SH3YL1: variants seen among roughly 807,000 people sequenced by gnomAD.
The protein encoded by SH3YL1 is SH3 domain-containing YSC84-like protein 1.
A neutral mutation model predicts 45.8 loss-of-function variants in SH3YL1; 41 were observed. The observed-to-expected ratio is 0.89, with a 90% CI of 0.70 to 1.16. SH3YL1 has a LOEUF of 1.16. SH3YL1 is among the 50% of genes most tolerant of loss of function. The probability of loss-of-function intolerance (pLI) is 0.00; values close to 1 mark genes in which losing one functional copy is unlikely to be tolerated. For synonymous variants in SH3YL1, 152 were observed against 151.4 expected (o/e 1.00, Z -0.03); for missense variants, 389 against 409.6 (o/e 0.95, Z 0.43).
intron 6 of SH3YL1, 140 bp from the exon 7 acceptor site, chr2:231,331 A>G (rs544026894): frequency 3.0e-6 from 2 of 670,066 alleles, no homozygotes; most frequent in African/African-American, 1.8e-5. Context: ...TTAAACACTA[A>G]CTTTAAGCAA....
chr2:249,853 G>A lies in SH3YL1; in HGVS notation c.113-9C>T, dbSNP rs1168222265. 9.1e-6 allele frequency: 14 copies of A among 1,537,722 alleles called. No homozygotes were observed. Among genetic ancestry groups the A allele is most frequent in the East Asian group, 2.4e-5 (1 of 40,854 alleles). On this transcript the variant is annotated splice_polypyrimidine_tract_variant and intron_variant, in intron 2 of 9. Coordinates refer to ENST00000356150, the MANE Select transcript of SH3YL1 (RefSeq NM_015677.4). ...CTTCGCAATTACGTGAGCTGTTAAC[G>A]TGGAAAACAATGGGAAGGTAAGCAT... is the stretch of plus-strand genomic sequence containing the variant.
intron 1 of SH3YL1, chr2:262,486 C>T: frequency 1.3e-6 from 1 of 786,902 alleles, no homozygotes; most frequent in Non-Finnish European, 1.8e-6. Flanking sequence ...AGAGTGTGAT[C>T]TTGGTACAGA....
chr2:227,880 C>T (rs1462279263), intron 8 of SH3YL1, among the ~76,000 whole-genome samples: 1 of 111,836 alleles, frequency 8.9e-6, no homozygotes, highest in African/African-American at 2.9e-5. Context: ...CGTGCATTTC[C>T]ATAAAATTAT....
intron 1 of SH3YL1, among the ~76,000 whole-genome samples, chr2:254,560 C>G (rs1669226551): frequency 6.6e-6 from 1 of 152,132 alleles, no homozygotes; most frequent in African/African-American, 2.4e-5. Flanking sequence ...ATTTACAGAA[C>G]AGAGATGAAG....
intron 1 of SH3YL1, among the ~76,000 whole-genome samples, chr2:259,132 A>C (rs1267767621): frequency 2.0e-5 from 3 of 152,136 alleles, no homozygotes; most frequent in African/African-American, 7.2e-5. Flanking sequence ...TGTGGATCTC[A>C]GACATGTCCA....
At chr2:237,361 T>C (rs1365364468) in intron 4 of SH3YL1, among the ~76,000 whole-genome samples, 3 of 151,176 alleles carry the variant, frequency 2.0e-5, no homozygotes, top group African/African-American at 7.3e-5. Context: ...CACTACCAAT[T>C]AGCCCGAGAA....
At chr2:244,511 A>C (rs1668698709) in intron 4 of SH3YL1, 1 of 151,430 alleles carries the variant, frequency 6.6e-6, no homozygotes, top group Non-Finnish European at 1.5e-5. Flanking sequence ...AAAGAAAGAA[A>C]GAAAGAAAGA....
chr2:238,962 T>C (rs1357232326), intron 4 of SH3YL1, among the ~76,000 whole-genome samples: 6 of 152,316 alleles, frequency 3.9e-5, no homozygotes, highest in African/African-American at 7.2e-5. Context: ...AAGGTTGAGA[T>C]TGTCGAACAT....
At position 218,636 on chromosome 2, in the gene SH3YL1, A is replaced by C; in HGVS notation, c.*175T>G. 1 of 576,986 alleles carries C rather than the reference A, an allele frequency of 1.7e-6. No individual in the cohort carries two copies. Among genetic ancestry groups the C allele is most frequent in the South Asian group, 2.5e-5 (1 of 39,394 alleles). 35.7% of individuals were successfully genotyped at this position (576,986 alleles called of 1,614,324 possible). ...TGATAAAGTTAGTACAAAGTATTTAAAGATATGTCAGTCAGCTCTTTTTAT... is the reference window on the plus strand; with the variant it reads ...TGATAAAGTTAGTACAAAGTATTTACAGATATGTCAGTCAGCTCTTTTTAT... On this transcript the variant is annotated 3_prime_UTR_variant, in exon 10 of 10. Coordinates refer to ENST00000356150, the MANE Select transcript of SH3YL1 (RefSeq NM_015677.4).
Position 242,779 on chromosome 2 carries a change from G to A in SH3YL1, c.291+4759C>T, listed in dbSNP as rs1326526365. The A allele has an allele frequency of 9.1e-6, 14 of 1,535,338 alleles. No homozygotes were observed. In the East Asian group the frequency reaches 1.3e-4, roughly 14 times the overall value. ...CAATTATATGCTCCATAGGAGACAC[G>A]CTTTAGATTCAAAGTTACCATTAGA... On this transcript the variant is annotated intron_variant, in intron 4 of 9. Transcript: ENST00000356150.
At chr2:258,410 G>A (rs930753688) in intron 1 of SH3YL1, among the ~76,000 whole-genome samples, 10 of 152,092 alleles carry the variant, frequency 6.6e-5, no homozygotes, top group Admixed American at 5.9e-4. Context: ...TTCTTTTTGT[G>A]TAAAATAGGT....
intron 9 of SH3YL1, among the ~76,000 whole-genome samples, chr2:221,461 C>T (rs1050225651): frequency 1.3e-5 from 2 of 152,210 alleles, no homozygotes; most frequent in African/African-American, 4.8e-5. Flanking sequence ...CGAGATCACA[C>T]ACCTGGTTTG....
intron 1 of SH3YL1, among the ~76,000 whole-genome samples, chr2:255,151 C>T (rs1669259209): frequency 6.6e-6 from 1 of 152,198 alleles, no homozygotes. Flanking sequence ...TGATTAAAAC[C>T]TGTGTCAGAG....
At chr2:264,768 G>A (rs1446223761), upstream of SH3YL1, 15 of 568,574 alleles carry the variant, frequency 2.6e-5, no homozygotes, top group Non-Finnish European at 4.5e-5. Context: ...GACCCTCCCC[G>A]CCCGTCCTAC....
intron 8 of SH3YL1, among the ~76,000 whole-genome samples, chr2:227,887 TTATG>T (rs1420936109): frequency 1.0e-5 from 1 of 95,946 alleles, no homozygotes; most frequent in African/African-American, 3.0e-5. Context: ...TTCCATAAAA[TTATG>T]TGTGTGTGTG....
chr2:223,943 A>T (rs902021270), intron 9 of SH3YL1, among the ~76,000 whole-genome samples: 1 of 152,210 alleles, frequency 6.6e-6, no homozygotes, highest in Non-Finnish European at 1.5e-5. Flanking sequence ...TCCATCAGGA[A>T]CATGCTGACC....
Position 218,604 on chromosome 2 carries a change from G to GT in SH3YL1, c.*206dup. On this transcript the variant is annotated 3_prime_UTR_variant, in exon 10 of 10. Coordinates refer to ENST00000356150, the MANE Select transcript of SH3YL1 (RefSeq NM_015677.4). ...AAACTGTATGATATTCTATGACACA[G>GT]TAAGTGTGATAAAGTTAGTACAAAG... is the stretch of plus-strand genomic sequence containing the variant. The GT allele has an allele frequency of 1.9e-6, 1 of 521,380 alleles. No individual in the cohort carries two copies. The allele number at this position is 521,380 out of a possible 1,614,324, so 32.3% of individuals were successfully genotyped here.
intron 4 of SH3YL1, among the ~76,000 whole-genome samples, chr2:238,220 A>T (rs954971610): frequency 2.7e-5 from 4 of 150,914 alleles, no homozygotes; most frequent in African/African-American, 9.8e-5. Flanking sequence ...ATCTCCCTAA[A>T]AGCCTCACTA....
chr2:249,987 A>G (rs902157573), intron 2 of SH3YL1, 143 bp from the exon 3 acceptor site: 1 of 612,174 alleles, frequency 1.6e-6, no homozygotes, highest in South Asian at 2.0e-5. Context: ...AAAGTCAGTC[A>G]CTCAACAGAT....
Sources: allele counts gnomAD v4.1 joint callset (sites outside exome capture counted in the v4.1 genomes callset), GRCh38; gene constraint gnomAD v4.1.1; transcripts MANE v1.5; gene names NCBI Gene and HGNC (gene_info 2026-07-23, HGNC 2026-07-21).